Variants in TBC1D24 observed in about 807,000 individuals in gnomAD.
TBC1D24 encodes Infantile myoclonic epilepsy.
A neutral mutation model predicts 50.7 loss-of-function variants in TBC1D24; 47 were observed. The ratio of observed to expected loss-of-function variants is 0.93; its 90% CI spans 0.73 to 1.18. The LOEUF is 1.18. TBC1D24 is among the 50% of genes most tolerant of loss of function. The pLI is 0.00. For missense variants in TBC1D24, 688 were observed against 766.5 expected (o/e 0.90, Z 1.21); for synonymous variants, 324 against 335.2 (o/e 0.97, Z 0.36).
Position 2,475,560 on chromosome 16 carries a change from A to G in TBC1D24, c.-116+390A>G, listed in dbSNP as rs1404680617. ...CTCTTGGGGGCTCGGTGAGATTGCA[A>G]CAGATTCTGATACGCCCTGCCCTGT... On this transcript the variant is annotated intron_variant, in intron 1 of 7. Coordinates refer to ENST00000646147, the MANE Select transcript of TBC1D24 (RefSeq NM_001199107.2). The surrounding 1 kb of genome is among the most constrained non-coding windows in gnomAD (Gnocchi z 4.2). Among the ~76,000 whole-genome samples the G allele has an allele frequency of 1.3e-5, 2 of 151,988 alleles. No homozygotes were observed. The highest frequency in any genetic ancestry group is 6.5e-5 in the Admixed American group (1 of 15,286).
Position 2,482,824 on chromosome 16 carries a change from C to T in TBC1D24, c.-116+7654C>T, listed in dbSNP as rs1271010817. ...GGCACGGGCGGTGGAGGAGCAGCCG[C>T]GGAGAGGTGAGGGGATGCCTGGCAG... is the stretch of plus-strand genomic sequence containing the variant. On this transcript the variant is annotated intron_variant, in intron 1 of 7. Transcript: ENST00000646147. This position sits in a 1 kb window ranked among gnomAD's most constrained non-coding sequence, Gnocchi z 5.2. 3.9e-5 allele frequency among the ~76,000 whole-genome samples: 6 copies of T among 152,014 alleles called. No homozygotes were observed. In the South Asian group the frequency reaches 8.3e-4, roughly 21 times the overall value.
At chr16:2,495,497 T>A (rs1421264792) in intron 1 of TBC1D24, among the ~76,000 whole-genome samples, 1 of 150,272 alleles carries the variant, frequency 6.7e-6, no homozygotes, top group African/African-American at 2.4e-5. Context: ...AAATAAAAAA[T>A]TAGGCCAGGG....
chr16:2,494,746 G>T (rs1033240468), intron 1 of TBC1D24, among the ~76,000 whole-genome samples: 1 of 152,036 alleles, frequency 6.6e-6, no homozygotes, highest in African/African-American at 2.4e-5. Context: ...TCTATCTCTA[G>T]CCTCTCATTA....
At chr16:2,488,744 C>A (rs1482065722) in intron 1 of TBC1D24, among the ~76,000 whole-genome samples, 3 of 149,126 alleles carry the variant, frequency 2.0e-5, no homozygotes, top group African/African-American at 7.4e-5. Flanking sequence ...AGCCACCGCA[C>A]CTGGCTGCTT....
rs1183009408 is a variant in TBC1D24 at position 2,496,854 on chromosome 16, G to A, written c.706G>A (p.Gly236Ser). The A allele has an allele frequency of 6.2e-7, 1 of 1,614,122 alleles. No individual in the cohort carries two copies. Among genetic ancestry groups the A allele is most frequent in the Admixed American group, 1.7e-5 (1 of 60,032 alleles). ...ARVFDVFLVE[G>S]YKVLYRVALA... is the part of the protein sequence containing the mutation. Reference sequence around the variant, plus strand: ...GGTCTTTGACGTCTTCCTGGTGGAGGGCTACAAGGTGCTGTACCGCGTGGC... The same window carrying A: ...GGTCTTTGACGTCTTCCTGGTGGAGAGCTACAAGGTGCTGTACCGCGTGGC... The change falls in exon 2 of 8, where the codon GGC becomes AGC. Residue 236 changes from glycine to serine, a missense_variant. Physicochemically the swap from Gly to Ser is moderately conservative, Grantham distance 56. Coordinates refer to ENST00000646147, the MANE Select transcript of TBC1D24 (RefSeq NM_001199107.2).
Position 2,475,599 on chromosome 16 carries a change from C to T in TBC1D24, c.-116+429C>T, listed in dbSNP as rs1409422843. 1.3e-5 allele frequency among the ~76,000 whole-genome samples: 2 copies of T among 151,624 alleles called. No homozygotes were observed. Among genetic ancestry groups the T allele is most frequent in the Non-Finnish European group, 2.9e-5 (2 of 67,966 alleles). ...GCCCTGCCCTGTGGACCTGCAGCGG[C>T]CCCGGGCCCCGCCCCGCCCCGCCCA... On this transcript the variant is annotated intron_variant, in intron 1 of 7. Coordinates refer to ENST00000646147, the MANE Select transcript of TBC1D24 (RefSeq NM_001199107.2). This position sits in a 1 kb window ranked among gnomAD's most constrained non-coding sequence, Gnocchi z 4.2.
Position 2,500,782 on chromosome 16 carries a change from C to T in TBC1D24, c.1526-22C>T. 1.3e-6 allele frequency: 2 copies of T among 1,596,514 alleles called. No homozygotes were observed. Among genetic ancestry groups the T allele is most frequent in the Non-Finnish European group, 8.5e-7 (1 of 1,177,404 alleles). ...AGTGCTGATAGGGCAGTCAGGCCGC[C>T]ACTGACCTGAGCATCCTGCAGGGGG... On this transcript the variant is annotated intron_variant, in intron 7 of 7. Transcript: ENST00000646147. This position sits in a 1 kb window ranked among gnomAD's most constrained non-coding sequence, Gnocchi z 8.0.
At position 2,487,130 on chromosome 16, in the gene TBC1D24, C is replaced by T. The variant is rs1353822809; in HGVS notation, c.-115-8904C>T. Among the ~76,000 whole-genome samples, 1 of 152,254 alleles carries T rather than the reference C, an allele frequency of 6.6e-6. No individual in the cohort carries two copies. Among genetic ancestry groups the T allele is most frequent in the Non-Finnish European group, 1.5e-5 (1 of 68,046 alleles). On this transcript the variant is annotated intron_variant, in intron 1 of 7. Coordinates refer to ENST00000646147, the MANE Select transcript of TBC1D24 (RefSeq NM_001199107.2). The surrounding 1 kb of genome is among the most constrained non-coding windows in gnomAD (Gnocchi z 4.1). ...CCAGGGCCGCCCAGCTCGCCTTCGC[C>T]CACTCTTGCCTCCACATCTGAGGGG...
chr16:2,493,049 C>T (rs1159055448), intron 1 of TBC1D24, among the ~76,000 whole-genome samples: 5 of 151,766 alleles, frequency 3.3e-5, no homozygotes, highest in East Asian at 2.0e-4. Flanking sequence ...GCTGAGATTA[C>T]GCCACTGCAC....
rs2065810341 is a variant in TBC1D24 at position 2,503,478 on chromosome 16, C to T, written c.*2520C>T. 2 of 144,604 alleles carry T rather than the reference C, an allele frequency of 1.4e-5. No individual in the cohort carries two copies. Among genetic ancestry groups the T allele is most frequent in the African/African-American group, 5.1e-5 (2 of 38,850 alleles). 9.0% of individuals were successfully genotyped at this position (144,604 alleles called of 1,614,324 possible). ...CTGCTCTGCCTATGAAGTAGCCATTCTTTGTTTAAAAAAAAAAAAAGCCAA... is the reference window on the plus strand; with the variant it reads ...CTGCTCTGCCTATGAAGTAGCCATTTTTTGTTTAAAAAAAAAAAAAGCCAA... On this transcript the variant is annotated 3_prime_UTR_variant, in exon 8 of 8. Transcript: ENST00000646147.
At chr16:2,488,078 C>T (rs1025764699) in intron 1 of TBC1D24, among the ~76,000 whole-genome samples, 2 of 152,242 alleles carry the variant, frequency 1.3e-5, no homozygotes, top group Admixed American at 6.5e-5. Context: ...CTACCTCCCA[C>T]CTGCCTCCTG....
At position 2,503,807 on chromosome 16, in the gene TBC1D24, C is replaced by G. The variant is rs556747443; in HGVS notation, c.*2849C>G. On this transcript the variant is annotated 3_prime_UTR_variant, in exon 8 of 8. Coordinates refer to ENST00000646147, the MANE Select transcript of TBC1D24 (RefSeq NM_001199107.2). ...ACTCCTGACCTCGTGATCCACCCCCCCCTCAGCCTCCCAAAGTGCTGGGAT... is the reference window on the plus strand; with the variant it reads ...ACTCCTGACCTCGTGATCCACCCCCGCCTCAGCCTCCCAAAGTGCTGGGAT... 16 of 152,030 alleles carry G rather than the reference C, an allele frequency of 1.1e-4. 1 individual carries two copies. Among genetic ancestry groups the G allele is most frequent in the South Asian group, 6.2e-4 (3 of 4,824 alleles). 9.4% of individuals were successfully genotyped at this position (152,030 alleles called of 1,614,324 possible). A position where few individuals can be genotyped will look rare whatever the true frequency, so the allele number is the denominator to read the frequency against.
chr16:2,489,446 TAATA>T (rs894383274), intron 1 of TBC1D24, among the ~76,000 whole-genome samples: 3 of 152,058 alleles, frequency 2.0e-5, no homozygotes, highest in African/African-American at 2.4e-5. Context: ...AATAAATAAA[TAATA>T]AATAAATAAA....
Position 2,482,751 on chromosome 16 carries a change from A to T in TBC1D24, c.-116+7581A>T, listed in dbSNP as rs1007519986. Among the ~76,000 whole-genome samples the T allele has an allele frequency of 2.6e-5, 4 of 152,330 alleles. No homozygotes were observed. The highest frequency in any genetic ancestry group is 2.1e-4 in the South Asian group (1 of 4,832). Reference sequence around the variant, plus strand: ...AGCTGGAGGGACAGGTCTGGACCTCAAAGAAGGATTCTAGGCTCAGGAGAG... The same window carrying T: ...AGCTGGAGGGACAGGTCTGGACCTCTAAGAAGGATTCTAGGCTCAGGAGAG... On this transcript the variant is annotated intron_variant, in intron 1 of 7. Coordinates refer to ENST00000646147, the MANE Select transcript of TBC1D24 (RefSeq NM_001199107.2). The surrounding 1 kb of genome is among the most constrained non-coding windows in gnomAD (Gnocchi z 5.2).
At position 2,486,012 on chromosome 16, in the gene TBC1D24, G is replaced by C. The variant is rs1011202325; in HGVS notation, c.-115-10022G>C. On this transcript the variant is annotated intron_variant, in intron 1 of 7. Coordinates refer to ENST00000646147, the MANE Select transcript of TBC1D24 (RefSeq NM_001199107.2). The surrounding 1 kb of genome is among the most constrained non-coding windows in gnomAD (Gnocchi z 5.8). ...CCTGGATCTTGCGGATCTCGCGCCC[G>C]GGCTGGAATGCCTGTGCTGCCCTCC... Among the ~76,000 whole-genome samples, 1 of 152,176 alleles carries C rather than the reference G, an allele frequency of 6.6e-6. No homozygotes were observed. Among genetic ancestry groups the C allele is most frequent in the Non-Finnish European group, 1.5e-5 (1 of 68,026 alleles).
Position 2,485,601 on chromosome 16 carries a change from GC to G in TBC1D24, c.-116+10432del, listed in dbSNP as rs1469173349. 6.6e-6 allele frequency: 1 copy of G among 152,248 alleles called. No homozygotes were observed. Among genetic ancestry groups the G allele is most frequent in the African/African-American group, 2.4e-5 (1 of 41,458 alleles). 9.4% of individuals were successfully genotyped at this position (152,248 alleles called of 1,614,324 possible). ...TGGGAACCCCAACTTGAAGTTGGTT[GC>G]TGAGAAGTTCCAGAGGCCTGGACTT... On this transcript the variant is annotated intron_variant, in intron 1 of 7. Coordinates refer to ENST00000646147, the MANE Select transcript of TBC1D24 (RefSeq NM_001199107.2). This position sits in a 1 kb window ranked among gnomAD's most constrained non-coding sequence, Gnocchi z 4.6.
chr16:2,490,120 A>C (rs1375577928), intron 1 of TBC1D24, among the ~76,000 whole-genome samples: 2 of 152,100 alleles, frequency 1.3e-5, no homozygotes, highest in Non-Finnish European at 2.9e-5. Flanking sequence ...GAGGATCCTC[A>C]GTAAAGTAGC....
At chr16:2,478,893 T>G (rs2065589488) in intron 1 of TBC1D24, 1 of 151,230 alleles carries the variant, frequency 6.6e-6, no homozygotes, top group South Asian at 2.1e-4. Flanking sequence ...TTCTTTTTTT[T>G]TTTTTTTCGA....
At position 2,496,356 on chromosome 16, in the gene TBC1D24, G is replaced by T. The variant is rs587777147; in HGVS notation, c.208G>T (p.Asp70Tyr). The T allele has an allele frequency of 1.2e-6, 2 of 1,613,502 alleles. No individual in the cohort carries two copies. The highest frequency in any genetic ancestry group is 2.2e-5 in the South Asian group (2 of 91,084). ...CATTCCCTGCCGCACGGTCACGCCT[G>T]ACGCCAGCGTGTACAGCGACATCGT... ...RDIPCRTVTP[D>Y]ASVYSDIVGK... Residue 70 changes from aspartate to tyrosine, a missense_variant, in exon 2 of 8, where the codon GAC (aspartate) becomes TAC (tyrosine). Coordinates refer to ENST00000646147, the MANE Select transcript of TBC1D24 (RefSeq NM_001199107.2).
Sources: allele counts gnomAD v4.1 joint callset (sites outside exome capture counted in the v4.1 genomes callset), GRCh38; gene constraint gnomAD v4.1.1; non-coding constraint Gnocchi (gnomAD v3.1); transcripts MANE v1.5; gene names NCBI Gene and HGNC (gene_info 2026-07-23, HGNC 2026-07-21).